MMS22L: variants seen among roughly 807,000 people sequenced by gnomAD.
The protein encoded by MMS22L is MMS22 like, DNA repair protein.
In MMS22L, 74 loss-of-function variants were observed where a neutral mutation model predicts 159.1. That is an observed-to-expected ratio of 0.47 (90% CI 0.39 to 0.56). The LOEUF (loss-of-function observed/expected upper bound fraction) is 0.56, where lower values mean the gene tolerates loss of function less well. Among genes scored for constraint, MMS22L ranks in the 20% least tolerant of loss-of-function variants. The pLI is 0.00. For missense variants in MMS22L, 1,351 were observed against 1,422.1 expected (o/e 0.95, Z 0.80); for synonymous variants, 517 against 506.9 (o/e 1.02, Z -0.27).
intron 17 of MMS22L, among the ~76,000 whole-genome samples, chr6:97,178,920 C>T (rs1158619390): frequency 6.6e-6 from 1 of 152,060 alleles, no homozygotes; most frequent in Non-Finnish European, 1.5e-5. Flanking sequence ...CTACAGACAA[C>T]AGAACTGCAT....
chr6:97,229,246 C>G lies in MMS22L; in HGVS notation c.1687G>C (p.Val563Leu). 6.2e-7 allele frequency: 1 copy of G among 1,614,112 alleles called. No homozygotes were observed. The highest frequency in any genetic ancestry group is 8.5e-7 in the Non-Finnish European group (1 of 1,179,998). Reference protein sequence around the residue: ...DLLNFLKPAFVTSQRALIWKG... With the variant: ...DLLNFLKPAFLTSQRALIWKG... Reference sequence around the variant, plus strand: ...CAAATGAGGGCTCTCTGAGACGTTACAAAAGCAGGCTTGAGGAAATTCAGG... The same window carrying G: ...CAAATGAGGGCTCTCTGAGACGTTAGAAAAGCAGGCTTGAGGAAATTCAGG... Residue 563 changes from valine to leucine, a missense_variant, in exon 14 of 25, where the codon GTA (valine) becomes CTA (leucine). Physicochemically the swap from Val to Leu is conservative, Grantham distance 32 (BLOSUM62 1). Coordinates refer to ENST00000683635, the MANE Select transcript of MMS22L (RefSeq NM_001350599.2).
intron 14 of MMS22L, among the ~76,000 whole-genome samples, chr6:97,224,847 A>G (rs1011261477): frequency 5.9e-5 from 9 of 152,016 alleles, no homozygotes; most frequent in Non-Finnish European, 1.2e-4. Context: ...AAATTTTACC[A>G]CTACACAATA....
At chr6:97,187,341 G>A (rs952894892) in intron 14 of MMS22L, among the ~76,000 whole-genome samples, 12 of 152,136 alleles carry the variant, frequency 7.9e-5, no homozygotes, top group South Asian at 2.1e-4. Context: ...TAATTCAATC[G>A]AAAATTTAGA....
chr6:97,162,469 GT>G (rs898067267), intron 21 of MMS22L, among the ~76,000 whole-genome samples: 5 of 148,626 alleles, frequency 3.4e-5, no homozygotes, highest in Admixed American at 6.7e-5. Flanking sequence ...TAATTTGCAG[GT>G]TTTTTTTTTC....
chr6:97,246,737 G>T, intron 10 of MMS22L, 47 bp from the exon 11 acceptor site: 2 of 1,367,536 alleles, frequency 1.5e-6, no homozygotes, highest in Non-Finnish European at 2.1e-6. Context: ...TCTTGATTAT[G>T]CCTATATTTA....
At chr6:97,239,513 T>C (rs1166723805) in intron 11 of MMS22L, among the ~76,000 whole-genome samples, 2 of 152,194 alleles carry the variant, frequency 1.3e-5, no homozygotes, top group Non-Finnish European at 2.9e-5. Flanking sequence ...GTAAGTAAAA[T>C]TGAGCAATAT....
intron 4 of MMS22L, among the ~76,000 whole-genome samples, chr6:97,276,330 C>CA (rs1816240095): frequency 6.6e-6 from 1 of 152,152 alleles, no homozygotes; most frequent in African/African-American, 2.4e-5. Flanking sequence ...GTGTAACAAA[C>CA]AACCATCTTA....
At chr6:97,237,925 T>C (rs1030836473) in intron 11 of MMS22L, among the ~76,000 whole-genome samples, 23 of 152,222 alleles carry the variant, frequency 1.5e-4, no homozygotes, top group Non-Finnish European at 2.9e-5. Context: ...AAGTTCACAC[T>C]GAAGGGTTTT....
intron 19 of MMS22L, among the ~76,000 whole-genome samples, chr6:97,170,216 G>A (rs1803389268): frequency 6.6e-6 from 1 of 152,096 alleles, no homozygotes; most frequent in Admixed American, 6.6e-5. Flanking sequence ...CATGAATAAG[G>A]GGAAACTACT....
chr6:97,218,706 T>C (rs940816170), intron 14 of MMS22L, among the ~76,000 whole-genome samples: 1 of 152,156 alleles, frequency 6.6e-6, no homozygotes, highest in South Asian at 2.1e-4. Flanking sequence ...GAATAGAGAT[T>C]ATTCAAGACT....
chr6:97,182,278 AT>A (rs1804797719), intron 15 of MMS22L, among the ~76,000 whole-genome samples: 1 of 152,166 alleles, frequency 6.6e-6, no homozygotes, highest in South Asian at 2.1e-4. Flanking sequence ...GCCTAGAAGA[AT>A]TTATCTCTGC....
intron 16 of MMS22L, among the ~76,000 whole-genome samples, chr6:97,180,731 A>G (rs1804623273): frequency 1.3e-5 from 2 of 152,224 alleles, no homozygotes; most frequent in Admixed American, 6.5e-5. Flanking sequence ...TCTTTAATGC[A>G]TAATATAAAT....
chr6:97,257,110 A>G (rs1813897455), intron 9 of MMS22L, among the ~76,000 whole-genome samples: 1 of 152,054 alleles, frequency 6.6e-6, no homozygotes. Context: ...ATTAGCTTTC[A>G]CTAACATTTG....
intron 14 of MMS22L, among the ~76,000 whole-genome samples, chr6:97,187,695 T>C (rs946749501): frequency 6.6e-6 from 1 of 152,176 alleles, no homozygotes; most frequent in African/African-American, 2.4e-5. Flanking sequence ...TTAAAAAAGA[T>C]GTTTGATGTT....
In MMS22L at chr6:97,231,421, T is replaced by A; in HGVS notation, c.1529+5A>T. The A allele has an allele frequency of 1.2e-6, 2 of 1,601,822 alleles. No individual in the cohort carries two copies. Among genetic ancestry groups the A allele is most frequent in the South Asian group, 2.2e-5 (2 of 90,594 alleles). ...CACACTCATGACAGAAGATACTGCA[T>A]ATACCTTCCTTTGACTTGTTTCCAA... On this transcript the variant is annotated splice_donor_5th_base_variant and intron_variant, in intron 13 of 24. Coordinates refer to ENST00000683635, the MANE Select transcript of MMS22L (RefSeq NM_001350599.2).
chr6:97,173,350 T>A, intron 18 of MMS22L, 128 bp from the exon 19 acceptor site: 2 of 731,026 alleles, frequency 2.7e-6, no homozygotes, highest in Non-Finnish European at 4.4e-6. Context: ...CCTTCATTTG[T>A]AACCTTCCAA....
chr6:97,215,764 T>C (rs994177773), intron 14 of MMS22L, among the ~76,000 whole-genome samples: 1 of 151,836 alleles, frequency 6.6e-6, no homozygotes, highest in African/African-American at 2.4e-5. Flanking sequence ...AAAAAAAAAG[T>C]CCTGAATTTT....
chr6:97,214,262 C>T (rs1482800548), intron 14 of MMS22L, among the ~76,000 whole-genome samples: 1 of 152,062 alleles, frequency 6.6e-6, no homozygotes, highest in Non-Finnish European at 1.5e-5. Context: ...AGCCTTGTAT[C>T]TAATGGTGAA....
At chr6:97,212,647 G>C (rs1309921860) in intron 14 of MMS22L, among the ~76,000 whole-genome samples, 1 of 152,192 alleles carries the variant, frequency 6.6e-6, no homozygotes, top group Non-Finnish European at 1.5e-5. Context: ...GAGGTTCAAA[G>C]AAGTGACAAG....
Sources: allele counts gnomAD v4.1 joint callset (sites outside exome capture counted in the v4.1 genomes callset), GRCh38; gene constraint gnomAD v4.1.1; transcripts MANE v1.5; gene names NCBI Gene and HGNC (gene_info 2026-07-23, HGNC 2026-07-21).